The following CFAP54 variants were observed in gnomAD, a reference collection of about 807,000 sequenced individuals.
CFAP54 encodes the protein cilia and flagella associated protein 54, also known as cilia- and flagella-associated protein 54.
CFAP54 carries 290 observed loss-of-function variants against 370.4 expected under a neutral mutation model. That is an observed-to-expected ratio of 0.78 (90% CI 0.71 to 0.86). The LOEUF (loss-of-function observed/expected upper bound fraction) is 0.86, where lower values mean the gene tolerates loss of function less well. Ranked by LOEUF, CFAP54 falls within the 40% of genes least tolerant of loss-of-function variation. The probability of loss-of-function intolerance (pLI) is 0.00; values close to 1 mark genes in which losing one functional copy is unlikely to be tolerated. For synonymous variants in CFAP54, 1,206 were observed against 1,236.5 expected, an observed-to-expected ratio of 0.98 and a Z score of 0.52; for missense variants, 3,399 against 3,528.7, an observed-to-expected ratio of 0.96 and a Z score of 0.93.
chr12:96,803,863 C>G (rs1272430533), intron 63 of CFAP54, among the ~76,000 whole-genome samples: 1 of 152,094 alleles, frequency 6.6e-6, no homozygotes, highest in East Asian at 1.9e-4. Context: ...CAAAGGACCA[C>G]AACAGTCATC....
At chr12:96,751,504 A>G (rs1258188283) in intron 55 of CFAP54, among the ~76,000 whole-genome samples, 1 of 152,128 alleles carries the variant, frequency 6.6e-6, no homozygotes, top group Non-Finnish European at 1.5e-5. Flanking sequence ...TATAGTACTA[A>G]TACATATTAT....
chr12:96,765,356 G>C (rs1958391592), intron 60 of CFAP54, 138 bp downstream of exon 60: 6 of 681,700 alleles, frequency 8.8e-6, no homozygotes, highest in Non-Finnish European at 1.3e-5. Context: ...GGGATCATAG[G>C]GGTCCTAGGG....
chr12:96,777,009 G>A (rs1458376968), intron 60 of CFAP54, among the ~76,000 whole-genome samples: 2 of 152,038 alleles, frequency 1.3e-5, no homozygotes, highest in African/African-American at 2.4e-5. Context: ...TTTTATCTTT[G>A]GCAGCACACC....
At chr12:96,752,046 G>T (rs74463769) in intron 55 of CFAP54, among the ~76,000 whole-genome samples, 1 of 147,806 alleles carries the variant, frequency 6.8e-6, no homozygotes, top group Non-Finnish European at 1.5e-5. Context: ...CTGCCATCCC[G>T]CCTGGTTCAG....
chr12:96,559,421 T>A lies in CFAP54; in HGVS notation c.2410+4619T>A, dbSNP rs115963361. Among the ~76,000 whole-genome samples the A allele has an allele frequency of 4.1e-3, 625 of 152,212 alleles. 4 individuals carry two copies. The highest frequency in any genetic ancestry group is 0.014 in the African/African-American group (600 of 41,538). On this transcript the variant is annotated intron_variant, in intron 17 of 67. Coordinates refer to ENST00000524981, the MANE Select transcript of CFAP54 (RefSeq NM_001306084.2). ...CCCATAAAAGTTAAAAATTAAAAAG[T>A]TAACTGTGGTAAACTGTTCCCTCCA... is the stretch of plus-strand genomic sequence containing the variant.
intron 66 of CFAP54, among the ~76,000 whole-genome samples, chr12:96,832,019 G>A (rs1230696450): frequency 6.6e-6 from 1 of 152,114 alleles, no homozygotes; most frequent in Non-Finnish European, 1.5e-5. Context: ...CACAATTCCC[G>A]TGTTTCATGA....
intron 67 of CFAP54, among the ~76,000 whole-genome samples, chr12:96,869,548 T>C (rs1405606060): frequency 1.3e-5 from 2 of 152,196 alleles, no homozygotes; most frequent in Non-Finnish European, 2.9e-5. Context: ...ATTTGATGTA[T>C]ATATTTCTGG....
In CFAP54 at chr12:96,693,777, TAAC is replaced by T; in HGVS notation, c.6323_6325del (p.Thr2108del). On this transcript the variant is annotated inframe_deletion, in exon 45 of 68. Transcript: ENST00000524981. ...TTTGTTTCTGGAATTTGTCAAGACATAACAAGAAATCTAGAAGCAAGAATCCTC... is the reference window on the plus strand; with the variant it reads ...TTTGTTTCTGGAATTTGTCAAGACATAAGAAATCTAGAAGCAAGAATCCTC... The T allele has an allele frequency of 6.3e-7, 1 of 1,599,360 alleles. No individual in the cohort carries two copies. The highest frequency in any genetic ancestry group is 8.6e-7 in the Non-Finnish European group (1 of 1,168,118).
chr12:96,707,051 G>A (rs967157832), intron 47 of CFAP54, among the ~76,000 whole-genome samples: 1 of 150,346 alleles, frequency 6.7e-6, no homozygotes, highest in African/African-American at 2.5e-5. Flanking sequence ...AGAGCACTGA[G>A]TTCCAGGACA....
intron 36 of CFAP54, among the ~76,000 whole-genome samples, chr12:96,655,171 A>G (rs1956907697): frequency 1.3e-5 from 2 of 151,938 alleles, no homozygotes; most frequent in African/African-American, 4.8e-5. Flanking sequence ...TAGAATCTGA[A>G]AATAGACCCA....
intron 19 of CFAP54, 73 bp from the exon 20 acceptor site, chr12:96,576,512 A>T (rs1592859385): frequency 8.9e-7 from 1 of 1,123,016 alleles, no homozygotes; most frequent in Non-Finnish European, 1.2e-6. Context: ...GTTTAACATC[A>T]CTAGAATTCT....
In CFAP54 at chr12:96,757,593, G is replaced by A; in HGVS notation, c.8040+5G>A. Reference sequence around the variant, plus strand: ...GGATCACCATTAACACTTAAGGTAAGAGTCTATTTTATTAGAAATTATGAG... The same window carrying A: ...GGATCACCATTAACACTTAAGGTAAAAGTCTATTTTATTAGAAATTATGAG... On this transcript the variant is annotated splice_donor_5th_base_variant and intron_variant, in intron 58 of 67. Transcript: ENST00000524981. The A allele has an allele frequency of 6.5e-7, 1 of 1,531,286 alleles. No homozygotes were observed. The highest frequency in any genetic ancestry group is 9.0e-7 in the Non-Finnish European group (1 of 1,115,294). 94.9% of individuals were successfully genotyped at this position (1,531,286 alleles called of 1,614,324 possible). A position where few individuals can be genotyped will look rare whatever the true frequency, so the allele number is the denominator to read the frequency against.
At chr12:96,745,621 G>C (rs996529220) in intron 55 of CFAP54, among the ~76,000 whole-genome samples, 5 of 151,888 alleles carry the variant, frequency 3.3e-5, no homozygotes, top group Admixed American at 3.3e-4. Flanking sequence ...CCATTCTGTA[G>C]GTTGTCTGTT....
At chr12:96,514,644 A>T (rs1177344388) in intron 5 of CFAP54, among the ~76,000 whole-genome samples, 1 of 152,242 alleles carries the variant, frequency 6.6e-6, no homozygotes, top group Non-Finnish European at 1.5e-5. Context: ...GTCTGTGCCG[A>T]CATTTGACTG....
chr12:96,600,719 CA>C (rs1273079551), intron 26 of CFAP54, among the ~76,000 whole-genome samples: 3 of 152,146 alleles, frequency 2.0e-5, no homozygotes, highest in Non-Finnish European at 4.4e-5. Flanking sequence ...CTCTTTGTAG[CA>C]TTTGTGAATG....
At chr12:96,750,806 GT>G (rs1277862449) in intron 55 of CFAP54, among the ~76,000 whole-genome samples, 2 of 152,122 alleles carry the variant, frequency 1.3e-5, no homozygotes, top group Non-Finnish European at 2.9e-5. Flanking sequence ...GCTTCCTGGT[GT>G]ATTATATTAA....
chr12:96,784,845 T>A lies in CFAP54; in HGVS notation c.8410T>A (p.Tyr2804Asn). ...TATTACATGGATCCTTCTACTGCGC[T>A]ACTATATTCACCTTCAGAGGATTAA... ...VDITWILLLRYYIHLQRINNL... is the reference protein window; with the variant it reads ...VDITWILLLRNYIHLQRINNL... Residue 2804 changes from tyrosine to asparagine, a missense_variant, in exon 61 of 68, where the codon TAC becomes AAC. By Grantham distance (143) the Tyr-to-Asn change is moderately radical. Around this residue, in one of 3 missense-constraint regions of CFAP54, gnomAD observed 2,796 missense variants for 2,869.7 expected, o/e 0.97. Coordinates refer to ENST00000524981, the MANE Select transcript of CFAP54 (RefSeq NM_001306084.2). The A allele has an allele frequency of 6.5e-7, 1 of 1,532,588 alleles. No homozygotes were observed. Among genetic ancestry groups the A allele is most frequent in the South Asian group, 1.2e-5 (1 of 83,446 alleles). The allele number at this position is 1,532,588 out of a possible 1,614,324, so 94.9% of individuals were successfully genotyped here.
chr12:96,536,711 C>G (rs1484863059), intron 12 of CFAP54, among the ~76,000 whole-genome samples: 3 of 150,804 alleles, frequency 2.0e-5, no homozygotes, highest in Non-Finnish European at 4.4e-5. Flanking sequence ...ACTCCAACCT[C>G]TGCCTCCCAG....
chr12:96,828,928 C>G, intron 65 of CFAP54, 86 bp from the exon 66 acceptor site: 1 of 671,712 alleles, frequency 1.5e-6, no homozygotes, highest in Admixed American at 2.8e-5. Context: ...CAAGAAAAGA[C>G]AAATGAAATA....
Sources: allele counts gnomAD v4.1 joint callset (sites outside exome capture counted in the v4.1 genomes callset), GRCh38; gene constraint gnomAD v4.1.1; regional missense constraint gnomAD v4.1.1; transcripts MANE v1.5; gene names NCBI Gene and HGNC (gene_info 2026-07-23, HGNC 2026-07-21).